COL14A1: variants seen among roughly 807,000 people sequenced by gnomAD.
COL14A1 encodes collagen alpha-1(XIV) chain.
A neutral mutation model predicts 230.3 loss-of-function variants in COL14A1; 136 were observed. The ratio of observed to expected loss-of-function variants is 0.59; its 90% CI spans 0.51 to 0.68. The LOEUF is 0.68. COL14A1 is among the 30% of genes least tolerant of loss of function. The pLI, the probability that COL14A1 is intolerant of heterozygous loss-of-function variation, is 0.00. For synonymous variants in COL14A1, 792 were observed against 784.1 expected (o/e 1.01, Z -0.17); for missense variants, 1,976 against 2,215.8 (o/e 0.89, Z 2.17).
chr8:120,233,770 C>G (rs1309955716), intron 19 of COL14A1, among the ~76,000 whole-genome samples: 1 of 152,140 alleles, frequency 6.6e-6, no homozygotes, highest in Non-Finnish European at 1.5e-5. Context: ...CAGCTTTGTT[C>G]TTTTTGCTTA....
chr8:120,263,605 C>T (rs1819409426), intron 24 of COL14A1, among the ~76,000 whole-genome samples: 1 of 152,196 alleles, frequency 6.6e-6, no homozygotes, highest in Non-Finnish European at 1.5e-5. Context: ...AGATTCTTGA[C>T]CCCGGCTCCA....
Position 120,319,224 on chromosome 8 carries a change from A to G in COL14A1, c.4659+3227A>G, listed in dbSNP as rs189914894. On this transcript the variant is annotated intron_variant, in intron 40 of 47. Transcript: ENST00000297848. ...CAGGCTGGAGTACAGTGGTGTAATC[A>G]TGACTCACTGCAGCCTCAAACTCCT... 2.6e-3 allele frequency among the ~76,000 whole-genome samples: 391 copies of G among 152,214 alleles called. 1 individual carries two copies. The highest frequency in any genetic ancestry group is 8.8e-3 in the African/African-American group (365 of 41,552).
chr8:120,275,034 A>C (rs915893955), intron 26 of COL14A1, among the ~76,000 whole-genome samples: 1 of 151,986 alleles, frequency 6.6e-6, no homozygotes, highest in African/African-American at 2.4e-5. Flanking sequence ...CAAATAGCCA[A>C]AGCACTCCTA....
intron 24 of COL14A1, among the ~76,000 whole-genome samples, chr8:120,265,709 T>A (rs1024391771): frequency 2.0e-5 from 3 of 152,088 alleles, no homozygotes; most frequent in African/African-American, 7.2e-5. Context: ...CATGGTATTC[T>A]GTGACTTGTT....
chr8:120,269,482 T>C (rs2129814805), intron 25 of COL14A1, among the ~76,000 whole-genome samples: 1 of 151,854 alleles, frequency 6.6e-6, no homozygotes, highest in Non-Finnish European at 1.5e-5. Context: ...GAGACAAAAA[T>C]TTGTTTTAAC....
intron 2 of COL14A1, among the ~76,000 whole-genome samples, chr8:120,156,962 G>T (rs1815500658): frequency 6.6e-6 from 1 of 152,148 alleles, no homozygotes; most frequent in Admixed American, 6.5e-5. Flanking sequence ...GAGAGACTGG[G>T]CTTAAAAGTG....
rs1366707037 is a variant in COL14A1 at position 120,283,660 on chromosome 8, C to T, written c.3849C>T (p.Pro1283=). 1 of 1,612,810 alleles carries T rather than the reference C, an allele frequency of 6.2e-7. No homozygotes were observed. The highest frequency in any genetic ancestry group is 8.5e-7 in the Non-Finnish European group (1 of 1,179,622). Residue 1283 remains proline, a synonymous_variant, in exon 32 of 48, where the codon CCC becomes CCT. Coordinates refer to ENST00000297848, the MANE Select transcript of COL14A1 (RefSeq NM_021110.4). The part of the protein sequence containing the change: ...PTRYLHPEGL[P]SDYTISFLFR... ...GGTACTTGCACCCAGAAGGATTGCC[C>T]TCCGACTACACAATCAGTTTTCTAT... is the stretch of plus-strand genomic sequence containing the variant.
At chr8:120,216,530 C>T (rs772654616) in intron 14 of COL14A1, 40 bp downstream of exon 14, 47 of 1,580,820 alleles carry the variant, frequency 3.0e-5, no homozygotes, top group Admixed American at 2.9e-4. Flanking sequence ...TAGGTAGTGG[C>T]GTGCTAGTTA....
At chr8:120,282,644 C>G (rs1402770684) in intron 31 of COL14A1, among the ~76,000 whole-genome samples, 1 of 152,014 alleles carries the variant, frequency 6.6e-6, no homozygotes, top group Non-Finnish European at 1.5e-5. Flanking sequence ...TTTATTTATT[C>G]AATTAATAAC....
rs771613286 is a variant in COL14A1, at chr8:120,365,609, G to T, written c.5078-1562G>T. Among the ~76,000 whole-genome samples the T allele has an allele frequency of 3.8e-4, 58 of 152,336 alleles. 1 individual carries two copies. Among genetic ancestry groups the T allele is most frequent in the Non-Finnish European group, 7.5e-4 (51 of 68,038 alleles). On this transcript the variant is annotated intron_variant, in intron 45 of 47. Coordinates refer to ENST00000297848, the MANE Select transcript of COL14A1 (RefSeq NM_021110.4). ...GTTTTCTGTCTGAACAACTTGATTA[G>T]CAATTGAGCATTAAATATTGGTGAG...
chr8:120,349,343 G>C (rs1423953577), intron 45 of COL14A1, among the ~76,000 whole-genome samples: 1 of 150,648 alleles, frequency 6.6e-6, no homozygotes, highest in African/African-American at 2.5e-5. Context: ...CCTCCTCCAA[G>C]GGAACGCAGC....
Position 120,367,237 on chromosome 8 carries a change from C to T in COL14A1, c.5144C>T (p.Pro1715Leu). Reference protein sequence around the residue: ...GVGTQGPRGPPGPAGPSGESR... With the variant: ...GVGTQGPRGPLGPAGPSGESR... ...GGAACCCAAGGTCCAAGAGGCCCCC[C>T]TGGACCAGCAGGTAAATCTTCCTTC... Residue 1715 changes from proline (P) to leucine (L), a missense_variant, in exon 46 of 48, where the codon CCT becomes CTT. This residue lies in a region of COL14A1 where 1,791 missense variants were observed against 2,019.5 expected (regional missense o/e 0.89). Coordinates refer to ENST00000297848, the MANE Select transcript of COL14A1 (RefSeq NM_021110.4). The T allele has an allele frequency of 6.2e-7, 1 of 1,610,242 alleles. No homozygotes were observed. Among genetic ancestry groups the T allele is most frequent in the Non-Finnish European group, 8.5e-7 (1 of 1,178,714 alleles).
chr8:120,157,378 T>C (rs915639176), intron 2 of COL14A1, among the ~76,000 whole-genome samples: 1 of 152,120 alleles, frequency 6.6e-6, no homozygotes, highest in African/African-American at 2.4e-5. Context: ...TCTCAAATTA[T>C]CATATAATCA....
Position 120,371,788 on chromosome 8 carries a change from G to A in COL14A1, c.*557G>A, listed in dbSNP as rs1012189460. On this transcript the variant is annotated 3_prime_UTR_variant, in exon 48 of 48. Coordinates refer to ENST00000297848, the MANE Select transcript of COL14A1 (RefSeq NM_021110.4). Reference sequence around the variant, plus strand: ...CATGTGTATCCAAAAATCAGCATTTGGATTTAAGCTTTCTGAATTTGGTAG... The same window carrying A: ...CATGTGTATCCAAAAATCAGCATTTAGATTTAAGCTTTCTGAATTTGGTAG... 1 of 391,324 alleles carries A rather than the reference G, an allele frequency of 2.6e-6. No homozygotes were observed. Among genetic ancestry groups the A allele is most frequent in the African/African-American group, 2.1e-5 (1 of 48,460 alleles). The allele number at this position is 391,324 out of a possible 1,614,324, so 24.2% of individuals were successfully genotyped here. A position where few individuals can be genotyped will look rare whatever the true frequency, so the allele number is the denominator to read the frequency against.
intron 34 of COL14A1, among the ~76,000 whole-genome samples, chr8:120,290,127 T>C (rs1463777267): frequency 6.6e-6 from 1 of 152,140 alleles, no homozygotes; most frequent in African/African-American, 2.4e-5. Flanking sequence ...CAACTGCAAA[T>C]GAACCTCATT....
At chr8:120,182,939 G>A (rs1447904609) in intron 5 of COL14A1, among the ~76,000 whole-genome samples, 1 of 151,800 alleles carries the variant, frequency 6.6e-6, no homozygotes, top group Admixed American at 6.6e-5. Context: ...ATTGCCCAGG[G>A]TGGTCTCAAA....
intron 24 of COL14A1, among the ~76,000 whole-genome samples, chr8:120,264,232 G>A (rs759097011): frequency 2.2e-4 from 33 of 152,086 alleles, no homozygotes; most frequent in Non-Finnish European, 2.9e-4. Context: ...TTTACATCTG[G>A]CATCTTTCAC....
At chr8:120,156,710 A>G (rs1323017656) in intron 2 of COL14A1, among the ~76,000 whole-genome samples, 1 of 152,200 alleles carries the variant, frequency 6.6e-6, no homozygotes, top group Non-Finnish European at 1.5e-5. Context: ...ATAATGCATT[A>G]TATTCATGAT....
intron 45 of COL14A1, among the ~76,000 whole-genome samples, chr8:120,353,879 TC>T: frequency 6.6e-6 from 1 of 151,702 alleles, no homozygotes; most frequent in African/African-American, 2.4e-5. Flanking sequence ...GACCCAGCCA[TC>T]CCATTACTGG....
Sources: allele counts gnomAD v4.1 joint callset (sites outside exome capture counted in the v4.1 genomes callset), GRCh38; gene constraint gnomAD v4.1.1; regional missense constraint gnomAD v4.1.1; transcripts MANE v1.5; gene names NCBI Gene and HGNC (gene_info 2026-07-23, HGNC 2026-07-21).